CADM2: variants seen among roughly 807,000 people sequenced by gnomAD.
CADM2 encodes the protein immunoglobulin superfamily member 4D.
CADM2 carries 12 observed loss-of-function variants against 49.8 expected under a neutral mutation model. The ratio of observed to expected loss-of-function variants is 0.24; its 90% confidence interval spans 0.15 to 0.39. The LOEUF is 0.39. Ranked by LOEUF, CADM2 falls within the 10% of genes least tolerant of loss-of-function variation. The pLI is 1.00. For missense variants in CADM2, 378 were observed against 492.3 expected (o/e 0.77, Z 2.20); for synonymous variants, 214 against 175.4 (o/e 1.22, Z -1.74).
At chr3:85,312,426 A>G (rs2044367977) in intron 1 of CADM2, among the ~76,000 whole-genome samples, 1 of 152,152 alleles carries the variant, frequency 6.6e-6, no homozygotes, top group Admixed American at 6.5e-5. Flanking sequence ...TAGACATTGA[A>G]TAAAACTAAT....
intron 1 of CADM2, among the ~76,000 whole-genome samples, chr3:85,372,516 A>G (rs891703618): frequency 1.3e-5 from 2 of 152,096 alleles, no homozygotes; most frequent in Non-Finnish European, 2.9e-5. Flanking sequence ...ATCCACACCC[A>G]ATTTACAAGG....
intron 1 of CADM2, among the ~76,000 whole-genome samples, chr3:85,262,531 T>A (rs187451310): frequency 4.8e-4 from 73 of 152,270 alleles, no homozygotes; most frequent in Middle Eastern, 3.4e-3. Flanking sequence ...ATGATATATT[T>A]TATTTGAATA....
chr3:85,002,070 T>C (rs980696620), intron 1 of CADM2, among the ~76,000 whole-genome samples: 2 of 152,160 alleles, frequency 1.3e-5, no homozygotes, highest in Non-Finnish European at 2.9e-5. Context: ...TGTTATATTA[T>C]GTTAGGACCA....
At chr3:85,092,362 A>G (rs1432244527) in intron 1 of CADM2, among the ~76,000 whole-genome samples, 4 of 152,300 alleles carry the variant, frequency 2.6e-5, no homozygotes, top group East Asian at 3.9e-4. Flanking sequence ...TATACATAAA[A>G]TTTAAGTCAT....
At chr3:86,048,723 A>T (rs1252133194) in intron 8 of CADM2, among the ~76,000 whole-genome samples, 1 of 152,152 alleles carries the variant, frequency 6.6e-6, no homozygotes, top group Non-Finnish European at 1.5e-5. Flanking sequence ...GTTTCCATTG[A>T]CATGACATAA....
At chr3:85,044,792 CTTTTTTCTTTTCTT>C (rs1452319878) in intron 1 of CADM2, among the ~76,000 whole-genome samples, 1 of 124,010 alleles carries the variant, frequency 8.1e-6, no homozygotes, top group African/African-American at 3.3e-5. Flanking sequence ...TTCTTTCTTT[CTTTTTTCTTTTCTT>C]TTTTTTTTTT....
intron 1 of CADM2, among the ~76,000 whole-genome samples, chr3:85,337,963 T>A (rs1378975515): frequency 6.6e-6 from 1 of 151,694 alleles, no homozygotes; most frequent in Non-Finnish European, 1.5e-5. Context: ...ATTTACAGTG[T>A]TTGAAACATA....
intron 1 of CADM2, among the ~76,000 whole-genome samples, chr3:85,194,858 C>T (rs2041302175): frequency 6.6e-6 from 1 of 151,816 alleles, no homozygotes; most frequent in African/African-American, 2.4e-5. Context: ...GCATTAGAAT[C>T]AACAAATATT....
intron 1 of CADM2, among the ~76,000 whole-genome samples, chr3:85,701,958 G>GTAGATAGATAGACATAGATAGA (rs2066779160): frequency 7.1e-6 from 1 of 140,810 alleles, no homozygotes; most frequent in Admixed American, 7.6e-5. Context: ...AAAGATAGAT[G>GTAGATAGATAGACATAGATAGA]TAGATAGATA....
chr3:85,855,581 AAAAC>A (rs1231005236), intron 3 of CADM2, among the ~76,000 whole-genome samples: 2 of 127,128 alleles, frequency 1.6e-5, no homozygotes, highest in African/African-American at 3.2e-5. Flanking sequence ...ATATATATAA[AAAAC>A]ATATATATAT....
intron 1 of CADM2, among the ~76,000 whole-genome samples, chr3:85,496,012 T>A (rs1386655776): frequency 6.6e-6 from 1 of 152,178 alleles, no homozygotes; most frequent in Non-Finnish European, 1.5e-5. Context: ...TTCCTATGAA[T>A]AATTATTCTT....
chr3:86,034,670 G>T (rs1228975334), intron 8 of CADM2, among the ~76,000 whole-genome samples: 5 of 151,974 alleles, frequency 3.3e-5, no homozygotes, highest in Admixed American at 3.3e-4. Context: ...TAATTCTCTA[G>T]CTTTCAGCTG....
In CADM2 at chr3:85,323,758, C is replaced by T. The variant is rs187351434; in HGVS notation, c.61+364090C>T. Among the ~76,000 whole-genome samples the T allele has an allele frequency of 2.6e-5, 4 of 152,266 alleles. No homozygotes were observed. The East Asian group carries it at 5.8e-4, about 22-fold the overall frequency. ...TATTTGTAGAAAACATCTCTCATCA[C>T]GATGCTAAAACAGTGTCATACCTTG... is the stretch of plus-strand genomic sequence containing the variant. On this transcript the variant is annotated intron_variant, in intron 1 of 9. Coordinates refer to ENST00000383699, the MANE Select transcript of CADM2 (RefSeq NM_001167675.2).
At chr3:85,354,859 A>T (rs2031720292) in intron 1 of CADM2, among the ~76,000 whole-genome samples, 1 of 152,086 alleles carries the variant, frequency 6.6e-6, no homozygotes, top group Non-Finnish European at 1.5e-5. Flanking sequence ...ATGCTGAGTG[A>T]GATGGCCAAA....
At chr3:85,466,914 C>T (rs913481476) in intron 1 of CADM2, among the ~76,000 whole-genome samples, 1 of 151,976 alleles carries the variant, frequency 6.6e-6, no homozygotes, top group Non-Finnish European at 1.5e-5. Flanking sequence ...TTGGAACTAA[C>T]TTAACATTTT....
intron 1 of CADM2, among the ~76,000 whole-genome samples, chr3:85,404,504 G>T (rs1265574061): frequency 1.3e-5 from 2 of 152,070 alleles, no homozygotes; most frequent in African/African-American, 4.8e-5. Context: ...CATATTCAAT[G>T]CTTTTGAGAA....
At chr3:85,955,925 T>C (rs534111381) in intron 7 of CADM2, among the ~76,000 whole-genome samples, 1 of 151,700 alleles carries the variant, frequency 6.6e-6, no homozygotes, top group Non-Finnish European at 1.5e-5. Flanking sequence ...TTTTAACTTT[T>C]CTGTTGTTCT....
chr3:84,998,352 G>A (rs879403221), intron 1 of CADM2, among the ~76,000 whole-genome samples: 13 of 151,802 alleles, frequency 8.6e-5, no homozygotes, highest in Admixed American at 5.3e-4. Context: ...TTTTAATATA[G>A]CAAATATGTT....
rs557877508 is a variant in CADM2 at position 85,696,678 on chromosome 3, A to AT, written c.62-29838dup. The stretch of plus-strand genomic sequence containing the variant: ...AATATTTTTATTAGGAGGTCAGTAC[A>AT]TTTTTTCTTTATTTTTATTAAAAGT... On this transcript the variant is annotated intron_variant, in intron 1 of 9. Coordinates refer to ENST00000383699, the MANE Select transcript of CADM2 (RefSeq NM_001167675.2). Among the ~76,000 whole-genome samples the AT allele has an allele frequency of 1.7e-4, 26 of 151,912 alleles. No individual in the cohort carries two copies. In the East Asian group the frequency reaches 4.9e-3, roughly 28 times the overall value.
Sources: gnomAD v4.1 joint callset for allele counts (sites outside exome capture counted in the v4.1 genomes callset) on GRCh38, gnomAD v4.1.1 for gene constraint, MANE v1.5 for transcripts, NCBI Gene and HGNC (gene_info 2026-07-23, HGNC 2026-07-21) for gene names.